The following ITGBL1 variants were observed in gnomAD, a reference collection of about 807,000 sequenced individuals.
ITGBL1 encodes the protein integrin beta-like protein 1.
A neutral mutation model predicts 68.5 loss-of-function variants in ITGBL1; 51 were observed. The observed-to-expected ratio is 0.74, with a 90% confidence interval of 0.59 to 0.94. The LOEUF (loss-of-function observed/expected upper bound fraction) is 0.94. ITGBL1 is among the 40% of genes least tolerant of loss of function. The probability of loss-of-function intolerance (pLI) is 0.00; values close to 1 mark genes in which losing one functional copy is unlikely to be tolerated. For missense variants in ITGBL1, 649 were observed against 647.4 expected (o/e 1.00, Z -0.03); for synonymous variants, 209 against 227.3 (o/e 0.92, Z 0.72).
At chr13:101,586,993 C>G (rs1173204411) in intron 6 of ITGBL1, among the ~76,000 whole-genome samples, 1 of 152,100 alleles carries the variant, frequency 6.6e-6, no homozygotes, top group Non-Finnish European at 1.5e-5. Context: ...ATTCTCTAGT[C>G]TTTCATGCAA....
intron 7 of ITGBL1, among the ~76,000 whole-genome samples, chr13:101,638,651 C>T (rs2032257263): frequency 6.6e-6 from 1 of 152,000 alleles, no homozygotes; most frequent in South Asian, 2.1e-4. Context: ...CTTTATAAAA[C>T]CATCAGATCT....
intron 9 of ITGBL1, chr13:101,713,635 G>GCTCA (rs1226027596): frequency 1.3e-5 from 2 of 152,088 alleles, no homozygotes; most frequent in Non-Finnish European, 2.9e-5. Context: ...TAGACTGAGA[G>GCTCA]AACTTCTGTC....
rs911003172 is a variant in ITGBL1, at chr13:101,709,547, C to T, written c.1279+2645C>T. ...GAATTAGATTTTTTTTTCCTCTGAG[C>T]ATGGCTTCAGACATAGAGCACTTAA... On this transcript the variant is annotated intron_variant, in intron 9 of 10. Transcript: ENST00000376180. Among the ~76,000 whole-genome samples, 42 of 152,120 alleles carry T rather than the reference C, an allele frequency of 2.8e-4. No individual in the cohort carries two copies. In the South Asian group the frequency reaches 7.5e-3, roughly 27 times the overall value.
intron 2 of ITGBL1, among the ~76,000 whole-genome samples, chr13:101,540,499 T>A (rs2049675547): frequency 6.6e-6 from 1 of 152,210 alleles, no homozygotes; most frequent in Non-Finnish European, 1.5e-5. Flanking sequence ...TGCCTCCAGT[T>A]TTGCTCTTTT....
chr13:101,565,755 C>G (rs2139246515), intron 2 of ITGBL1, among the ~76,000 whole-genome samples: 1 of 151,736 alleles, frequency 6.6e-6, no homozygotes, highest in East Asian at 1.9e-4. Context: ...GACTCTTTTC[C>G]ATGTTTATTT....
chr13:101,586,131 G>A (rs1459854466), intron 6 of ITGBL1, among the ~76,000 whole-genome samples: 1 of 152,144 alleles, frequency 6.6e-6, no homozygotes, highest in East Asian at 1.9e-4. Flanking sequence ...AGCAGGTGAA[G>A]TGTCATTAAG....
At chr13:101,469,718 C>G (rs1471853985) in intron 2 of ITGBL1, among the ~76,000 whole-genome samples, 1 of 152,020 alleles carries the variant, frequency 6.6e-6, no homozygotes, top group African/African-American at 2.4e-5. Flanking sequence ...AAAAACACCA[C>G]AAAAACAGAT....
At chr13:101,558,083 C>CAAAAAAAAAAAAAAA (rs568103738) in intron 2 of ITGBL1, among the ~76,000 whole-genome samples, 2 of 71,710 alleles carry the variant, frequency 2.8e-5, no homozygotes, top group African/African-American at 6.8e-5. Context: ...AACTCCGTCT[C>CAAAAAAAAAAAAAAA]AAAAAAAAAA....
intron 7 of ITGBL1, among the ~76,000 whole-genome samples, chr13:101,681,616 A>G (rs1275590862): frequency 6.6e-6 from 1 of 152,120 alleles, no homozygotes; most frequent in Non-Finnish European, 1.5e-5. Flanking sequence ...CTGGTTTGAA[A>G]CCTGTGTCAT....
At chr13:101,464,128 A>T (rs965058299) in intron 2 of ITGBL1, among the ~76,000 whole-genome samples, 3 of 151,748 alleles carry the variant, frequency 2.0e-5, no homozygotes, top group Admixed American at 2.0e-4. Context: ...GAAACTCCTG[A>T]CCTCAGGCGA....
At chr13:101,696,290 C>T (rs974689466) in intron 8 of ITGBL1, among the ~76,000 whole-genome samples, 2 of 152,102 alleles carry the variant, frequency 1.3e-5, no homozygotes, top group African/African-American at 4.8e-5. Flanking sequence ...GCTCCCTCCC[C>T]AGAGTACAAG....
At chr13:101,630,480 G>C (rs556502778) in intron 7 of ITGBL1, among the ~76,000 whole-genome samples, 1 of 152,212 alleles carries the variant, frequency 6.6e-6, no homozygotes, top group East Asian at 1.9e-4. Context: ...CACAGAGCAT[G>C]GTAAGTTGTT....
chr13:101,580,537 C>A (rs2050439090), intron 5 of ITGBL1, among the ~76,000 whole-genome samples: 1 of 151,934 alleles, frequency 6.6e-6, no homozygotes, highest in African/African-American at 2.4e-5. Flanking sequence ...TGTGCTGCAC[C>A]CATTAACTTA....
chr13:101,565,889 G>T (rs964066322), intron 2 of ITGBL1, among the ~76,000 whole-genome samples: 1 of 151,908 alleles, frequency 6.6e-6, no homozygotes, highest in African/African-American at 2.4e-5. Flanking sequence ...GGAAGGGATG[G>T]ATCTCTCCCT....
intron 8 of ITGBL1, among the ~76,000 whole-genome samples, chr13:101,695,030 G>C (rs1376163098): frequency 2.0e-5 from 3 of 152,190 alleles, no homozygotes; most frequent in Non-Finnish European, 4.4e-5. Context: ...GCTTATGGTT[G>C]AGCGTGAAGG....
In ITGBL1 at chr13:101,579,283, A is replaced by T; in HGVS notation, c.587-4A>T. 4 of 1,612,478 alleles carry T rather than the reference A, an allele frequency of 2.5e-6. No homozygotes were observed. Among genetic ancestry groups the T allele is most frequent in the Non-Finnish European group, 2.5e-6 (3 of 1,178,994 alleles). ...TCACTGTATAAAATTCATTTTGGGTAAAGGCCATGGGAAGTGTTACTGTGG... is the reference window on the plus strand; with the variant it reads ...TCACTGTATAAAATTCATTTTGGGTTAAGGCCATGGGAAGTGTTACTGTGG... On this transcript the variant is annotated splice_region_variant and splice_polypyrimidine_tract_variant and intron_variant, in intron 4 of 10. Transcript: ENST00000376180.
chr13:101,588,019 GCAACTGCACTTGTGCTGAAA>G (rs142183309), intron 6 of ITGBL1, among the ~76,000 whole-genome samples: 5 of 152,306 alleles, frequency 3.3e-5, no homozygotes, highest in Non-Finnish European at 5.9e-5. Context: ...TGGAATAGAT[GCAACTGCACTTGTGCTGAAA>G]CACCTGCACC....
At chr13:101,463,286 A>G (rs1566685318) in intron 2 of ITGBL1, among the ~76,000 whole-genome samples, 1 of 152,142 alleles carries the variant, frequency 6.6e-6, no homozygotes, top group African/African-American at 2.4e-5. Flanking sequence ...TTGAACTATT[A>G]TATCCCAACA....
At chr13:101,490,118 G>A (rs932329534) in intron 2 of ITGBL1, 15 of 674,094 alleles carry the variant, frequency 2.2e-5, no homozygotes, top group Middle Eastern at 4.2e-4. Context: ...TGGAGGTGGG[G>A]CCTTTTGGAG....
Sources: gnomAD v4.1 joint callset for allele counts (sites outside exome capture counted in the v4.1 genomes callset) on GRCh38, gnomAD v4.1.1 for gene constraint, MANE v1.5 for transcripts, NCBI Gene and HGNC (gene_info 2026-07-23, HGNC 2026-07-21) for gene names.